The following KIAA1549 variants were observed in gnomAD, a reference collection of about 807,000 sequenced individuals.
KIAA1549 encodes KIAA1549, also known as UPF0606 protein KIAA1549.
In KIAA1549, 70 loss-of-function variants were observed where a neutral mutation model predicts 156.4. The ratio of observed to expected loss-of-function variants is 0.45; its 90% CI spans 0.37 to 0.55. The LOEUF is 0.55. Ranked by LOEUF, KIAA1549 falls within the 20% of genes least tolerant of loss-of-function variation. KIAA1549 has a pLI of 0.00. For synonymous variants in KIAA1549, 1,103 were observed against 1,066.4 expected (o/e 1.03, Z -0.67); for missense variants, 2,428 against 2,540.9 (o/e 0.96, Z 0.96).
At chr7:138,932,681 G>A (rs573355310) in intron 1 of KIAA1549, among the ~76,000 whole-genome samples, 10 of 152,296 alleles carry the variant, frequency 6.6e-5, no homozygotes, top group African/African-American at 2.4e-4. Context: ...GGCTTAGAGT[G>A]GTGTATTTAG....
At chr7:138,945,933 T>C (rs1318593246) in intron 1 of KIAA1549, among the ~76,000 whole-genome samples, 3 of 151,990 alleles carry the variant, frequency 2.0e-5, no homozygotes, top group Non-Finnish European at 4.4e-5. Context: ...ATCAACAAAA[T>C]AGAATGTCCA....
At chr7:138,913,566 T>C (rs1812228747) in intron 2 of KIAA1549, among the ~76,000 whole-genome samples, 1 of 152,256 alleles carries the variant, frequency 6.6e-6, no homozygotes, top group South Asian at 2.1e-4. Flanking sequence ...TTCCTGATTT[T>C]AATTTTTTAA....
chr7:138,903,867 GCGCACA>G (rs1811931897), intron 7 of KIAA1549, 131 bp from the exon 8 acceptor site: 1 of 678,766 alleles, frequency 1.5e-6, no homozygotes, highest in Admixed American at 3.6e-5. Flanking sequence ...GCGCGCGCGC[GCGCACA>G]TATGTATTTG....
intron 12 of KIAA1549, among the ~76,000 whole-genome samples, chr7:138,873,077 C>T (rs1426555002): frequency 6.6e-6 from 1 of 152,170 alleles, no homozygotes; most frequent in Non-Finnish European, 1.5e-5. Flanking sequence ...GTGAAAAACA[C>T]AAAGGTCTCT....
intron 14 of KIAA1549, among the ~76,000 whole-genome samples, 153 bp downstream of exon 14, chr7:138,869,385 C>T (rs1487156395): frequency 6.6e-6 from 1 of 152,210 alleles, no homozygotes; most frequent in Non-Finnish European, 1.5e-5. Context: ...TGCATGAGCC[C>T]CTTCAACTGT....
intron 1 of KIAA1549, among the ~76,000 whole-genome samples, chr7:138,975,089 G>A: frequency 6.6e-6 from 1 of 152,176 alleles, no homozygotes; most frequent in East Asian, 1.9e-4. Flanking sequence ...CTGAGATTCT[G>A]CATTTTCTAA....
intron 5 of KIAA1549, 30 bp downstream of exon 5, chr7:138,908,961 C>A (rs760411475): frequency 1.9e-6 from 3 of 1,612,996 alleles, no homozygotes; most frequent in East Asian, 2.2e-5. Context: ...GGGCTAAAGC[C>A]TTCTGCTCTG....
intron 19 of KIAA1549, among the ~76,000 whole-genome samples, chr7:138,839,219 G>A (rs992095460): frequency 2.0e-5 from 3 of 152,156 alleles, no homozygotes; most frequent in Non-Finnish European, 4.4e-5. Context: ...GAGTGTGTCT[G>A]TTGGGAAGGC....
intron 1 of KIAA1549, among the ~76,000 whole-genome samples, chr7:138,964,546 T>C (rs144430086): frequency 8.1e-4 from 123 of 152,308 alleles, no homozygotes; most frequent in African/African-American, 2.8e-3. Flanking sequence ...TCTATAATTG[T>C]TGGGTATTAT....
chr7:138,851,717 G>C (rs747828077), intron 17 of KIAA1549, among the ~76,000 whole-genome samples: 1 of 152,172 alleles, frequency 6.6e-6, no homozygotes, highest in Non-Finnish European at 1.5e-5. Flanking sequence ...TGCAGGGACT[G>C]ATCTACTTAT....
At chr7:138,973,667 T>G (rs1204147934) in intron 1 of KIAA1549, among the ~76,000 whole-genome samples, 17 of 152,356 alleles carry the variant, frequency 1.1e-4, no homozygotes, top group Non-Finnish European at 4.4e-5. Flanking sequence ...TTTTTTGTTT[T>G]AAGTTCTTGC....
chr7:138,921,242 T>C (rs1812555474), intron 1 of KIAA1549, among the ~76,000 whole-genome samples: 1 of 152,238 alleles, frequency 6.6e-6, no homozygotes, highest in African/African-American at 2.4e-5. Context: ...CGGTTTCTAA[T>C]AGTGTCTGAC....
intron 1 of KIAA1549, among the ~76,000 whole-genome samples, chr7:138,955,563 C>T (rs1813638174): frequency 6.6e-6 from 1 of 150,520 alleles, no homozygotes; most frequent in Non-Finnish European, 1.5e-5. Context: ...GACGATGGCA[C>T]AGCAGGGTGA....
At chr7:138,965,185 G>A (rs75235858) in intron 1 of KIAA1549, among the ~76,000 whole-genome samples, 5 of 152,058 alleles carry the variant, frequency 3.3e-5, no homozygotes, top group African/African-American at 4.8e-5. Context: ...AGCAGAGACC[G>A]GAAGGAAGGG....
chr7:138,862,398 C>T (rs1056380323), intron 15 of KIAA1549, among the ~76,000 whole-genome samples: 2 of 150,942 alleles, frequency 1.3e-5, no homozygotes, highest in Non-Finnish European at 2.9e-5. Context: ...CAGCTACTCA[C>T]AAGGCTGAGT....
At chr7:138,965,241 G>C (rs941079096) in intron 1 of KIAA1549, among the ~76,000 whole-genome samples, 1 of 152,184 alleles carries the variant, frequency 6.6e-6, no homozygotes, top group South Asian at 2.1e-4. Context: ...GTTCTAGGCA[G>C]AGGGAACAGC....
intron 1 of KIAA1549, among the ~76,000 whole-genome samples, chr7:138,969,185 A>T (rs764569989): frequency 5.9e-5 from 9 of 152,230 alleles, no homozygotes; most frequent in Non-Finnish European, 1.0e-4. Flanking sequence ...CTAAGTGTAC[A>T]GTTCCACAGT....
intron 9 of KIAA1549, 126 bp downstream of exon 9, chr7:138,898,829 C>T: frequency 1.3e-6 from 1 of 793,508 alleles, no homozygotes; most frequent in Non-Finnish European, 2.1e-6. Flanking sequence ...ATTTTAACAA[C>T]TGGCACTTCA....
intron 10 of KIAA1549, among the ~76,000 whole-genome samples, chr7:138,890,949 T>G (rs560734093): frequency 6.6e-6 from 1 of 152,314 alleles, no homozygotes; most frequent in South Asian, 2.1e-4. Flanking sequence ...TGCTCTAGCT[T>G]CCTGAGCTGC....
Sources: allele counts gnomAD v4.1 joint callset (sites outside exome capture counted in the v4.1 genomes callset), GRCh38; gene constraint gnomAD v4.1.1; transcripts MANE v1.5; gene names NCBI Gene and HGNC (gene_info 2026-07-23, HGNC 2026-07-21).